The following XPO4 variants were observed in gnomAD, a reference collection of about 807,000 sequenced individuals.
The protein encoded by XPO4 is exportin 4.
Under a neutral mutation model 143.0 loss-of-function variants are expected in XPO4, and 39 were observed. That is an observed-to-expected ratio of 0.27 (90% confidence interval 0.21 to 0.36). XPO4 has a LOEUF of 0.36. XPO4 is among the 10% of genes least tolerant of loss of function. The pLI is 1.00. For synonymous variants in XPO4, 439 were observed against 474.0 expected (o/e 0.93, Z 0.96); for missense variants, 907 against 1,348.0 (o/e 0.67, Z 5.12).
intron 2 of XPO4, among the ~76,000 whole-genome samples, chr13:20,867,096 G>A (rs771125866): frequency 4.6e-5 from 7 of 152,178 alleles, no homozygotes; most frequent in South Asian, 2.1e-4. Context: ...TCTTTATGCC[G>A]TTTAGTTTTG....
chr13:20,834,240 A>G (rs2059888869), intron 6 of XPO4, among the ~76,000 whole-genome samples: 1 of 152,248 alleles, frequency 6.6e-6, no homozygotes, highest in Non-Finnish European at 1.5e-5. Flanking sequence ...AATTATGTAT[A>G]TAATTCATTA....
Position 20,821,752 on chromosome 13 carries a change from G to T in XPO4, c.1125C>A (p.Leu375=), listed in dbSNP as rs775101773. The change falls in exon 9 of 23, where the codon CTC becomes CTA. Residue 375 remains leucine, a synonymous_variant. Coordinates refer to ENST00000255305, the MANE Select transcript of XPO4 (RefSeq NM_022459.5). ...SELFSSFVNC[L]THLTCSFGRS... is the part of the protein sequence containing the mutation. ...GCCCAAAAGAACAAGTGAGGTGTGT[G>T]AGGCAGTTAACAAAGGAGGAGAAAA... The T allele has an allele frequency of 2.5e-6, 4 of 1,613,938 alleles. No homozygotes were observed. The Admixed American group carries it at 6.7e-5, about 27-fold the overall frequency.
chr13:20,848,635 C>T, intron 4 of XPO4: 3 of 985,260 alleles, frequency 3.0e-6, no homozygotes, highest in Non-Finnish European at 3.6e-6. Context: ...TGTTACACCA[C>T]TTAAAAAACA....
chr13:20,897,386 A>G lies in XPO4; in HGVS notation c.69+5284T>C, dbSNP rs372757583. ...CCCAAAATATATATCTCCACCTGGG[A>G]TATTGCTTATCAAACTAGAAAACTC... On this transcript the variant is annotated intron_variant, in intron 1 of 22. Transcript: ENST00000255305. 1.8e-4 allele frequency among the ~76,000 whole-genome samples: 27 copies of G among 152,250 alleles called. No homozygotes were observed. In the East Asian group the frequency reaches 2.9e-3, roughly 16 times the overall value.
intron 6 of XPO4, among the ~76,000 whole-genome samples, chr13:20,830,123 T>C (rs918227431): frequency 6.6e-6 from 1 of 152,190 alleles, no homozygotes. Flanking sequence ...CTCCTAATCA[T>C]GGTCTGTTTT....
intron 1 of XPO4, among the ~76,000 whole-genome samples, chr13:20,892,043 T>C (rs1282080369): frequency 5.9e-5 from 9 of 151,534 alleles, no homozygotes; most frequent in Admixed American, 5.9e-4. Flanking sequence ...TTTGTTTTTT[T>C]TTTTCGAGAT....
intron 1 of XPO4, among the ~76,000 whole-genome samples, chr13:20,868,932 A>G (rs2060267759): frequency 6.6e-6 from 1 of 152,184 alleles, no homozygotes. Flanking sequence ...AGAATCCTTT[A>G]AAGGTTTTTA....
intron 16 of XPO4, among the ~76,000 whole-genome samples, chr13:20,798,835 C>T (rs1407950022): frequency 6.6e-6 from 1 of 151,932 alleles, no homozygotes; most frequent in African/African-American, 2.4e-5. Flanking sequence ...GCCTGGCCAA[C>T]ATGGCAAAAG....
At chr13:20,875,703 A>G (rs2060344177) in intron 1 of XPO4, among the ~76,000 whole-genome samples, 1 of 152,092 alleles carries the variant, frequency 6.6e-6, no homozygotes, top group South Asian at 2.1e-4. Context: ...AAACCCCTTT[A>G]CACAATCTCA....
At chr13:20,875,324 G>A (rs1335942342) in intron 1 of XPO4, among the ~76,000 whole-genome samples, 1 of 152,052 alleles carries the variant, frequency 6.6e-6, no homozygotes. Flanking sequence ...ATTCCACAAA[G>A]AGTACTATAA....
At chr13:20,851,779 T>TG (rs975804110) in intron 4 of XPO4, 147 of 984,742 alleles carry the variant, frequency 1.5e-4, no homozygotes, top group Non-Finnish European at 1.7e-4. Context: ...AAAAAAACTT[T>TG]GGAGTCTTTC....
At chr13:20,842,469 A>T (rs2059986177) in intron 6 of XPO4, among the ~76,000 whole-genome samples, 1 of 152,184 alleles carries the variant, frequency 6.6e-6, no homozygotes, top group African/African-American at 2.4e-5. Flanking sequence ...TACTTGAACA[A>T]CATCACCATC....
intron 6 of XPO4, among the ~76,000 whole-genome samples, chr13:20,828,873 T>C (rs1306518419): frequency 1.3e-5 from 2 of 152,172 alleles, no homozygotes; most frequent in Non-Finnish European, 2.9e-5. Flanking sequence ...CTAAGGTCAA[T>C]GTTGTGTTCT....
chr13:20,796,012 A>G (rs1190605509), intron 18 of XPO4, 64 bp downstream of exon 18: 7 of 1,451,568 alleles, frequency 4.8e-6, no homozygotes, highest in Non-Finnish European at 6.5e-6. Flanking sequence ...ACAGAAAACA[A>G]TCCTTTGATT....
chr13:20,902,208 A>C, intron 1 of XPO4: 1 of 985,270 alleles, frequency 1.0e-6, no homozygotes, highest in Non-Finnish European at 1.2e-6. Context: ...GCGCTAGAGG[A>C]TGCGAATGCA....
At chr13:20,839,931 C>T (rs909725750) in intron 6 of XPO4, among the ~76,000 whole-genome samples, 6 of 151,956 alleles carry the variant, frequency 3.9e-5, no homozygotes, top group African/African-American at 1.5e-4. Flanking sequence ...TGCAGTGAAC[C>T]AAGATAGTGT....
intron 9 of XPO4, among the ~76,000 whole-genome samples, chr13:20,821,129 A>G (rs1453145849): frequency 6.6e-6 from 1 of 152,182 alleles, no homozygotes; most frequent in Non-Finnish European, 1.5e-5. Context: ...ACCAAAAAAC[A>G]TCTTCAGTAT....
At chr13:20,893,543 G>A (rs996087026) in intron 1 of XPO4, among the ~76,000 whole-genome samples, 2 of 152,068 alleles carry the variant, frequency 1.3e-5, no homozygotes, top group African/African-American at 4.8e-5. Flanking sequence ...TTCGAGACCA[G>A]TCTAGCCAAC....
intron 4 of XPO4, chr13:20,851,976 A>AG: frequency 3.0e-6 from 3 of 985,350 alleles, no homozygotes; most frequent in Non-Finnish European, 3.6e-6. Context: ...AAATTACCCA[A>AG]GGGGAAAGGA....
Sources: gnomAD v4.1 joint callset for allele counts (sites outside exome capture counted in the v4.1 genomes callset) on GRCh38, gnomAD v4.1.1 for gene constraint, MANE v1.5 for transcripts, NCBI Gene and HGNC (gene_info 2026-07-23, HGNC 2026-07-21) for gene names.